Variants in APOC3 observed in about 807,000 individuals in gnomAD.
The protein encoded by APOC3 is apolipoprotein C-III.
APOC3 carries 6 observed loss-of-function variants against 7.3 expected under a neutral mutation model. The observed-to-expected ratio is 0.82, with a 90% CI of 0.45 to 1.61. The LOEUF (loss-of-function observed/expected upper bound fraction) is 1.61. Ranked by LOEUF, APOC3 falls within the 40% of genes most tolerant of loss-of-function variation. The pLI is 0.01. For missense variants in APOC3, 123 were observed against 124.9 expected (o/e 0.98, Z 0.07); for synonymous variants, 45 against 51.2 (o/e 0.88, Z 0.52).
chr11:116,832,627 G>A lies in APOC3; in HGVS notation c.180-137G>A, dbSNP rs2134226859. The A allele has an allele frequency of 3.9e-6, 5 of 1,286,010 alleles. No individual in the cohort carries two copies. The East Asian group carries it at 1.2e-4, about 30-fold the overall frequency. 79.7% of individuals were successfully genotyped at this position (1,286,010 alleles called of 1,614,324 possible). A position where few individuals can be genotyped will look rare whatever the true frequency, so the allele number is the denominator to read the frequency against. On this transcript the variant is annotated intron_variant, in intron 3 of 3. Transcript: ENST00000227667. Reference sequence around the variant, plus strand: ...TGGGGGATTCCTGCCTGAGGTCTCAGGGCTGTCGTCCAGTGAAGTTGAGAG... The same window carrying A: ...TGGGGGATTCCTGCCTGAGGTCTCAAGGCTGTCGTCCAGTGAAGTTGAGAG...
chr11:116,830,179 T>G (rs1349218324), intron 1 of APOC3, among the ~76,000 whole-genome samples: 1 of 151,936 alleles, frequency 6.6e-6, no homozygotes, highest in African/African-American at 2.4e-5. Context: ...CAAGTGCAGG[T>G]TCCCCCCTCA....
chr11:116,830,528 C>A, intron 1 of APOC3, 42 bp from the exon 2 acceptor site: 1 of 1,605,542 alleles, frequency 6.2e-7, no homozygotes, highest in African/African-American at 1.3e-5. Flanking sequence ...GGTCCAGAGG[C>A]ATGGGGACCT....
chr11:116,832,729 A>T (rs754046943), intron 3 of APOC3, 35 bp from the exon 4 acceptor site: 119 of 1,613,812 alleles, frequency 7.4e-5, no homozygotes, highest in Non-Finnish European at 9.7e-5. Context: ...AGGAGTTCTC[A>T]TGCCCTGCTC....
chr11:116,832,980 C>T lies in APOC3; in HGVS notation c.*96C>T, dbSNP rs577085953. 6.1e-5 allele frequency: 94 copies of T among 1,537,432 alleles called. No individual in the cohort carries two copies. The highest frequency in any genetic ancestry group is 8.2e-5 in the Non-Finnish European group (92 of 1,116,380). Reference sequence around the variant, plus strand: ...GCCCCTGTAGGTTGCTTAAAAGGGACAGTATTCTCAGTGCTCTCCTACCCC... The same window carrying T: ...GCCCCTGTAGGTTGCTTAAAAGGGATAGTATTCTCAGTGCTCTCCTACCCC... On this transcript the variant is annotated 3_prime_UTR_variant, in exon 4 of 4. Coordinates refer to ENST00000227667, the MANE Select transcript of APOC3 (RefSeq NM_000040.3).
intron 3 of APOC3, 64 bp from the exon 4 acceptor site, chr11:116,832,700 G>A (rs1591327627): frequency 6.2e-7 from 1 of 1,610,770 alleles, no homozygotes; most frequent in East Asian, 2.2e-5. Context: ...ATGGGTGTGG[G>A]TCCCATGGTT....
At position 116,833,006 on chromosome 11, in the gene APOC3, A is replaced by G; in HGVS notation, c.*122A>G. 7.2e-7 allele frequency: 1 copy of G among 1,389,746 alleles called. No homozygotes were observed. 86.1% of individuals were successfully genotyped at this position (1,389,746 alleles called of 1,614,324 possible). ...AGTATTCTCAGTGCTCTCCTACCCCACCTCATGCCTGGCCCCCCTCCAGGC... is the reference window on the plus strand; with the variant it reads ...AGTATTCTCAGTGCTCTCCTACCCCGCCTCATGCCTGGCCCCCCTCCAGGC... On this transcript the variant is annotated 3_prime_UTR_variant, in exon 4 of 4. Coordinates refer to ENST00000227667, the MANE Select transcript of APOC3 (RefSeq NM_000040.3).
At position 116,833,044 on chromosome 11, in the gene APOC3, C is replaced by G. The variant is rs1232127855; in HGVS notation, c.*160C>G. On this transcript the variant is annotated 3_prime_UTR_variant, in exon 4 of 4. Coordinates refer to ENST00000227667, the MANE Select transcript of APOC3 (RefSeq NM_000040.3). ...CCCCCCTCCAGGCATGCTGGCCTCC[C>G]AATAAAGCTGGACAAGAAGCTGCTA... The G allele has an allele frequency of 1.9e-6, 2 of 1,029,720 alleles. No homozygotes were observed. Among genetic ancestry groups the G allele is most frequent in the Non-Finnish European group, 2.9e-6 (2 of 683,408 alleles). 63.8% of individuals were successfully genotyped at this position (1,029,720 alleles called of 1,614,324 possible).
rs764996088 is a variant in APOC3, at chr11:116,830,832, G to A, written c.115G>A (p.Ala39Thr). Residue 39 changes from alanine to threonine, a missense_variant, in exon 3 of 4, where the codon GCC (alanine) becomes ACC (threonine). Physicochemically the swap from Ala to Thr is moderately conservative, Grantham distance 58. Transcript: ENST00000227667. ...CTTCATGCAGGGTTACATGAAGCAC[G>A]CCACCAAGACCGCCAAGGATGCACT... The part of the protein sequence containing the change: ...LSFMQGYMKH[A>T]TKTAKDALSS... 6 of 1,612,998 alleles carry A rather than the reference G, an allele frequency of 3.7e-6. No homozygotes were observed. Among genetic ancestry groups the A allele is most frequent in the Admixed American group, 1.7e-5 (1 of 59,984 alleles).
At chr11:116,832,679 C>T in intron 3 of APOC3, 85 bp from the exon 4 acceptor site, 1 of 1,599,402 alleles carries the variant, frequency 6.3e-7, no homozygotes. Context: ...CTGGTGTCGT[C>T]CAGTGGGGAC....
intron 3 of APOC3, 46 bp from the exon 4 acceptor site, chr11:116,832,718 G>A: frequency 6.2e-7 from 1 of 1,613,794 alleles, no homozygotes; most frequent in East Asian, 2.2e-5. Flanking sequence ...GTTGCCTACA[G>A]AGGAGTTCTC....
At position 116,830,487 on chromosome 11, in the gene APOC3, C is replaced by T. The variant is rs188386444; in HGVS notation, c.-13-83C>T. The T allele has an allele frequency of 6.4e-4, 938 of 1,469,776 alleles. 5 individuals carry two copies. In the African/African-American group the frequency reaches 0.011, roughly 17 times the overall value. 91.0% of individuals were successfully genotyped at this position (1,469,776 alleles called of 1,614,324 possible). On this transcript the variant is annotated intron_variant, in intron 1 of 3. Coordinates refer to ENST00000227667, the MANE Select transcript of APOC3 (RefSeq NM_000040.3). ...TCTGGCAGACCCAGCTAAGGTTCTA[C>T]CTTAGGGGCCACGCCACCTCCCCAG...
chr11:116,830,742 T>G, intron 2 of APOC3, 31 bp from the exon 3 acceptor site: 1 of 1,613,326 alleles, frequency 6.2e-7, no homozygotes, highest in Non-Finnish European at 8.5e-7. Flanking sequence ...CAGAGGCCGA[T>G]CCACCCCACT....
At position 116,831,213 on chromosome 11, in the gene APOC3, C is replaced by A. The variant is rs879378095; in HGVS notation, c.179+317C>A. ...TATTTCTTTCTTTCTTTCTTTCTTT[C>A]TTTCTTTCTTTCTTTCTTTCTTTCT... On this transcript the variant is annotated intron_variant, in intron 3 of 3. Coordinates refer to ENST00000227667, the MANE Select transcript of APOC3 (RefSeq NM_000040.3). The A allele has an allele frequency of 7.8e-3, 1,104 of 142,084 alleles. 22 individuals are homozygous for A. The highest frequency in any genetic ancestry group is 0.039 in the African/African-American group (1,030 of 26,334). The allele number at this position is 142,084 out of a possible 1,614,324, so 8.8% of individuals were successfully genotyped here. A position where few individuals can be genotyped will look rare whatever the true frequency, so the allele number is the denominator to read the frequency against.
At chr11:116,832,570 C>A (rs1941473859) in intron 3 of APOC3, among the ~76,000 whole-genome samples, 194 bp from the exon 4 acceptor site, 1 of 152,194 alleles carries the variant, frequency 6.6e-6, no homozygotes, top group South Asian at 2.1e-4. Flanking sequence ...GGGGTTCCTG[C>A]AAGGATATCT....
At chr11:116,831,757 G>A (rs993162635) in intron 3 of APOC3, among the ~76,000 whole-genome samples, 2 of 152,168 alleles carry the variant, frequency 1.3e-5, no homozygotes, top group African/African-American at 4.8e-5. Context: ...TTTTCCATGG[G>A]CCAGCGGGGA....
intron 3 of APOC3, 93 bp downstream of exon 3, chr11:116,830,989 G>A (rs1941440724): frequency 3.4e-6 from 5 of 1,483,850 alleles, no homozygotes; most frequent in Non-Finnish European, 4.6e-6. Flanking sequence ...ATGGAATGGA[G>A]GTGCTCCAGC....
At chr11:116,830,182 C>A (rs1443111547) in intron 1 of APOC3, among the ~76,000 whole-genome samples, 1 of 152,096 alleles carries the variant, frequency 6.6e-6, no homozygotes, top group Admixed American at 6.5e-5. Flanking sequence ...GTGCAGGTTC[C>A]CCCCTCATTC....
chr11:116,832,661 G>C, intron 3 of APOC3, 103 bp from the exon 4 acceptor site: 1 of 1,535,632 alleles, frequency 6.5e-7, no homozygotes, highest in South Asian at 1.1e-5. Context: ...AGGGTGGTGT[G>C]GTCCTGACTG....
intron 1 of APOC3, 129 bp downstream of exon 1, chr11:116,830,069 C>T (rs11827682): frequency 0.09 from 17,115 of 190,802 alleles, 1,753 homozygotes; most frequent in African/African-American, 0.28. Context: ...CGGAGCTGGA[C>T]GGGTGCCCCC....
Sources: gnomAD v4.1 joint callset for allele counts (sites outside exome capture counted in the v4.1 genomes callset) on GRCh38, gnomAD v4.1.1 for gene constraint, MANE v1.5 for transcripts, NCBI Gene and HGNC (gene_info 2026-07-23, HGNC 2026-07-21) for gene names.